Variants in RGS6 observed in about 807,000 individuals in gnomAD.
RGS6 encodes the protein regulator of G-protein signaling 6.
A neutral mutation model predicts 78.5 loss-of-function variants in RGS6; 30 were observed. The ratio of observed to expected loss-of-function variants is 0.38; its 90% confidence interval spans 0.29 to 0.52. The LOEUF (loss-of-function observed/expected upper bound fraction) is 0.52, where lower values mean the gene tolerates loss of function less well. Among genes scored for constraint, RGS6 ranks in the 20% least tolerant of loss-of-function variants. The pLI is 0.85. For missense variants in RGS6, 495 were observed against 609.7 expected (o/e 0.81, Z 1.98); for synonymous variants, 206 against 206.0 (o/e 1.00, Z 0.00).
chr14:71,996,064 A>C (rs1723241354), intron 2 of RGS6, among the ~76,000 whole-genome samples: 1 of 152,074 alleles, frequency 6.6e-6, no homozygotes, highest in Admixed American at 6.5e-5. Flanking sequence ...ACTGTTGAGC[A>C]TGCAGGTGTA....
chr14:71,924,690 T>C, the RGS6 span, among the ~76,000 whole-genome samples: 1 of 152,250 alleles, frequency 6.6e-6, no homozygotes, highest in Non-Finnish European at 1.5e-5. Flanking sequence ...AATAATGTCT[T>C]TCAGTTTCAT....
At chr14:72,530,047 AG>A (rs2097163415) in intron 15 of RGS6, among the ~76,000 whole-genome samples, 1 of 152,244 alleles carries the variant, frequency 6.6e-6, no homozygotes, top group Non-Finnish European at 1.5e-5. Context: ...TTGATTGACA[AG>A]TTCTTTCTCT....
chr14:72,342,068 A>G (rs1017801455), intron 2 of RGS6, among the ~76,000 whole-genome samples: 2 of 152,200 alleles, frequency 1.3e-5, no homozygotes, highest in Non-Finnish European at 2.9e-5. Flanking sequence ...ACTTAATATT[A>G]AAGGCCTTAT....
intron 13 of RGS6, among the ~76,000 whole-genome samples, chr14:72,498,614 C>T (rs2096676067): frequency 6.6e-6 from 1 of 152,038 alleles, no homozygotes; most frequent in African/African-American, 2.4e-5. Context: ...GTCTAATGTG[C>T]AGCCATGGCC....
chr14:72,485,725 G>T (rs570057076), intron 12 of RGS6, among the ~76,000 whole-genome samples: 1 of 152,152 alleles, frequency 6.6e-6, no homozygotes, highest in Non-Finnish European at 1.5e-5. Flanking sequence ...ATACAAGAAG[G>T]GGCTGTGGAA....
chr14:72,405,065 T>A (rs1328623251), intron 3 of RGS6, among the ~76,000 whole-genome samples: 2 of 152,018 alleles, frequency 1.3e-5, no homozygotes, highest in Non-Finnish European at 2.9e-5. Context: ...TTAAGATCAG[T>A]GTAAGGGAAA....
chr14:72,349,272 C>T (rs1479849899), intron 2 of RGS6, among the ~76,000 whole-genome samples: 2 of 152,190 alleles, frequency 1.3e-5, no homozygotes, highest in Non-Finnish European at 2.9e-5. Flanking sequence ...GTACCATTTG[C>T]TCCAGATGTC....
At chr14:72,003,476 C>T (rs1424422460) in intron 2 of RGS6, among the ~76,000 whole-genome samples, 1 of 152,168 alleles carries the variant, frequency 6.6e-6, no homozygotes, top group African/African-American at 2.4e-5. Flanking sequence ...AAACTGTGTA[C>T]TTATTAATCA....
intron 3 of RGS6, among the ~76,000 whole-genome samples, chr14:72,353,981 C>A (rs1428965178): frequency 9.3e-6 from 1 of 107,962 alleles, no homozygotes; most frequent in East Asian, 2.1e-4. Flanking sequence ...GAGACTCTGT[C>A]TCAGCAACAA....
intron 2 of RGS6, among the ~76,000 whole-genome samples, chr14:72,301,438 TGA>T (rs1296577267): frequency 6.6e-6 from 1 of 152,134 alleles, no homozygotes; most frequent in African/African-American, 2.4e-5. Flanking sequence ...TTTTTTTAGT[TGA>T]TAGAGTCATG....
chr14:72,078,062 G>C (rs549471790), intron 2 of RGS6, among the ~76,000 whole-genome samples: 1 of 152,240 alleles, frequency 6.6e-6, no homozygotes, highest in Admixed American at 6.5e-5. Flanking sequence ...ATGTCCGATC[G>C]TGGTCCCCAC....
At position 72,422,315 on chromosome 14, in the gene RGS6, C is replaced by T. The variant is rs539264747; in HGVS notation, c.185-32213C>T. On this transcript the variant is annotated intron_variant, in intron 3 of 17. Transcript: ENST00000553525. ...AAATAAAATTCTTATATACTTAGAA[C>T]GGCAATATGAGCTTTACATCTGAGT... Among the ~76,000 whole-genome samples, 13 of 152,168 alleles carry T rather than the reference C, an allele frequency of 8.5e-5. No homozygotes were observed. In the East Asian group the frequency reaches 1.2e-3, roughly 14 times the overall value.
chr14:72,145,317 G>C (rs1399974684), intron 2 of RGS6, among the ~76,000 whole-genome samples: 1 of 152,122 alleles, frequency 6.6e-6, no homozygotes, highest in East Asian at 1.9e-4. Flanking sequence ...ACGTGGGAAA[G>C]GGCTGCTAGC....
At chr14:71,915,684 AGTGTAGGTTT>A in the RGS6 span, among the ~76,000 whole-genome samples, 8 of 152,154 alleles carry the variant, frequency 5.3e-5, no homozygotes, top group African/African-American at 1.7e-4. Flanking sequence ...TGATTGGTTC[AGTGTAGGTTT>A]GTGTTATGGG....
chr14:72,296,012 C>T (rs1215885062), intron 2 of RGS6, among the ~76,000 whole-genome samples: 1 of 152,202 alleles, frequency 6.6e-6, no homozygotes, highest in Non-Finnish European at 1.5e-5. Context: ...CTCTTATTCC[C>T]CTTCCCAATA....
At chr14:72,571,911 G>C in the RGS6 span, among the ~76,000 whole-genome samples, 1 of 152,082 alleles carries the variant, frequency 6.6e-6, no homozygotes, top group Non-Finnish European at 1.5e-5. Context: ...TGGCTATCAA[G>C]GTATTTATAT....
chr14:71,872,436 G>A, the RGS6 span, among the ~76,000 whole-genome samples: 1 of 152,090 alleles, frequency 6.6e-6, no homozygotes, highest in African/African-American at 2.4e-5. Flanking sequence ...TCTGCCCTTG[G>A]AACTTAACCC....
intron 15 of RGS6, among the ~76,000 whole-genome samples, chr14:72,523,991 G>A (rs1188144426): frequency 6.6e-6 from 1 of 152,288 alleles, no homozygotes; most frequent in African/African-American, 2.4e-5. Flanking sequence ...GGTGATGGGG[G>A]TGATGTCTTC....
chr14:72,403,226 TAAAG>T (rs1046076903), intron 3 of RGS6, among the ~76,000 whole-genome samples: 11 of 152,276 alleles, frequency 7.2e-5, no homozygotes, highest in Admixed American at 7.2e-4. Context: ...GATGAATGGA[TAAAG>T]AAAGTGTGGT....
Sources: gnomAD v4.1 joint callset for allele counts (sites outside exome capture counted in the v4.1 genomes callset) on GRCh38, gnomAD v4.1.1 for gene constraint, MANE v1.5 for transcripts, NCBI Gene and HGNC (gene_info 2026-07-23, HGNC 2026-07-21) for gene names.